Variants in UTRN observed in about 807,000 individuals in gnomAD.
The protein encoded by UTRN is dystrophin-related protein 1.
UTRN carries 283 observed loss-of-function variants against 463.9 expected under a neutral mutation model. The ratio of observed to expected loss-of-function variants is 0.61; its 90% CI spans 0.55 to 0.67. The LOEUF is 0.67. UTRN is among the 30% of genes least tolerant of loss of function. UTRN has a pLI of 0.00. For synonymous variants in UTRN, 1,442 were observed against 1,431.5 expected (o/e 1.01, Z -0.17); for missense variants, 3,922 against 4,084.3 (o/e 0.96, Z 1.08).
At chr6:144,546,365 C>A (rs1585209301) in intron 46 of UTRN, among the ~76,000 whole-genome samples, 1 of 152,222 alleles carries the variant, frequency 6.6e-6, no homozygotes, top group African/African-American at 2.4e-5. Flanking sequence ...TATTGAGGAC[C>A]CTCAAATAGC....
At chr6:144,819,914 C>CCTCCTCCTG (rs1285997269) in intron 65 of UTRN, among the ~76,000 whole-genome samples, 2 of 112,680 alleles carry the variant, frequency 1.8e-5, no homozygotes, top group East Asian at 5.8e-4. Context: ...TCCTCCTCCT[C>CCTCCTCCTG]TCTCTCTCTC....
In UTRN at chr6:144,286,858, G is replaced by A. The variant is rs1166936228; in HGVS notation, c.-93+1037G>A. 6.6e-6 allele frequency among the ~76,000 whole-genome samples: 1 copy of A among 152,094 alleles called. No individual in the cohort carries two copies. The highest frequency in any genetic ancestry group is 1.5e-5 in the Non-Finnish European group (1 of 68,018). On this transcript the variant is annotated intron_variant, in intron 1 of 74. Transcript: ENST00000367545. The surrounding 1 kb of genome is among the most constrained non-coding windows in gnomAD (Gnocchi z 4.4). ...ACTCCACGGCCCCGCTCTCTGAGGT[G>A]TTCAGGACAGGGCCTCCTCTTTCCC...
intron 51 of UTRN, among the ~76,000 whole-genome samples, chr6:144,601,763 G>A (rs1170270397): frequency 1.3e-5 from 2 of 152,192 alleles, no homozygotes; most frequent in Non-Finnish European, 2.9e-5. Context: ...AAATGCTACC[G>A]AGACATCTTT....
intron 48 of UTRN, among the ~76,000 whole-genome samples, chr6:144,553,927 A>AG: frequency 6.6e-6 from 1 of 152,038 alleles, no homozygotes; most frequent in Non-Finnish European, 1.5e-5. Context: ...AAAAAAAAAA[A>AG]AAAAAAAGTT....
chr6:144,580,741 G>A (rs1801896411), intron 51 of UTRN, among the ~76,000 whole-genome samples: 1 of 152,146 alleles, frequency 6.6e-6, no homozygotes, highest in Admixed American at 6.5e-5. Context: ...TTAATCCAGT[G>A]GCAATGAAGA....
At chr6:144,581,614 G>A (rs1562603296) in intron 51 of UTRN, among the ~76,000 whole-genome samples, 1 of 152,196 alleles carries the variant, frequency 6.6e-6, no homozygotes, top group Non-Finnish European at 1.5e-5. Flanking sequence ...AGGGGTGAAT[G>A]CCTATCTCAT....
At chr6:144,388,500 AT>A (rs1781614347) in intron 2 of UTRN, among the ~76,000 whole-genome samples, 1 of 150,518 alleles carries the variant, frequency 6.6e-6, no homozygotes, top group Non-Finnish European at 1.5e-5. Flanking sequence ...TTATTTATTT[AT>A]TTATTTATTT....
At chr6:144,436,582 A>G (rs1215908868) in intron 10 of UTRN, among the ~76,000 whole-genome samples, 1 of 151,894 alleles carries the variant, frequency 6.6e-6, no homozygotes, top group Non-Finnish European at 1.5e-5. Flanking sequence ...CTTTGAGGAC[A>G]TACTATATTG....
chr6:144,348,379 G>A (rs1357283921), intron 2 of UTRN, among the ~76,000 whole-genome samples: 4 of 152,150 alleles, frequency 2.6e-5, no homozygotes, highest in Non-Finnish European at 5.9e-5. Context: ...AGGAAGGAAC[G>A]TTGTCATCTT....
intron 52 of UTRN, among the ~76,000 whole-genome samples, chr6:144,693,344 CT>C (rs1783633082): frequency 6.6e-6 from 1 of 152,074 alleles, no homozygotes; most frequent in Non-Finnish European, 1.5e-5. Context: ...CAGCTTTATT[CT>C]TTTTGCTTAG....
intron 2 of UTRN, among the ~76,000 whole-genome samples, chr6:144,368,378 C>A (rs1052146502): frequency 6.6e-6 from 1 of 152,060 alleles, no homozygotes. Flanking sequence ...AAGCAATGGA[C>A]CAAATAATTT....
Position 144,482,191 on chromosome 6 carries a change from C to A in UTRN, c.3508-18C>A. On this transcript the variant is annotated intron_variant, in intron 26 of 74. Coordinates refer to ENST00000367545, the MANE Select transcript of UTRN (RefSeq NM_007124.3). Reference sequence around the variant, plus strand: ...AAGGGAGACGTTTTTCAAGTTCATCCATCCTTTCTTGGAACAGAGGGCAAA... The same window carrying A: ...AAGGGAGACGTTTTTCAAGTTCATCAATCCTTTCTTGGAACAGAGGGCAAA... 1 of 1,421,264 alleles carries A rather than the reference C, an allele frequency of 7.0e-7. No homozygotes were observed. The highest frequency in any genetic ancestry group is 2.6e-5 in the Admixed American group (1 of 38,626). 88.0% of individuals were successfully genotyped at this position (1,421,264 alleles called of 1,614,324 possible).
chr6:144,286,656 C>T lies in UTRN; in HGVS notation c.-93+835C>T, dbSNP rs1234132921. On this transcript the variant is annotated intron_variant, in intron 1 of 74. Coordinates refer to ENST00000367545, the MANE Select transcript of UTRN (RefSeq NM_007124.3). This position sits in a 1 kb window ranked among gnomAD's most constrained non-coding sequence, Gnocchi z 4.4. ...AAACCAACAAAGCACCAATTGAAGGCTGTGCAACTTTCAGATGGCAGGTTG... is the reference window on the plus strand; with the variant it reads ...AAACCAACAAAGCACCAATTGAAGGTTGTGCAACTTTCAGATGGCAGGTTG... 6.6e-6 allele frequency among the ~76,000 whole-genome samples: 1 copy of T among 150,752 alleles called. No individual in the cohort carries two copies. Among genetic ancestry groups the T allele is most frequent in the Admixed American group, 6.6e-5 (1 of 15,140 alleles).
chr6:144,470,377 C>T (rs1001635412), intron 23 of UTRN, among the ~76,000 whole-genome samples: 3 of 151,398 alleles, frequency 2.0e-5, no homozygotes, highest in Non-Finnish European at 4.4e-5. Flanking sequence ...GGGCTCCTCA[C>T]TTACCAGATG....
At chr6:144,400,346 T>G (rs1782828901) in intron 2 of UTRN, among the ~76,000 whole-genome samples, 1 of 152,300 alleles carries the variant, frequency 6.6e-6, no homozygotes, top group Admixed American at 6.5e-5. Context: ...TTGAAATAAT[T>G]TCAGACTGTG....
At chr6:144,363,924 T>C (rs1779286373) in intron 2 of UTRN, among the ~76,000 whole-genome samples, 1 of 152,188 alleles carries the variant, frequency 6.6e-6, no homozygotes, top group Non-Finnish European at 1.5e-5. Flanking sequence ...TGTATCTGAA[T>C]TTAAAGGCAG....
At chr6:144,758,059 T>TC (rs1281784424) in intron 58 of UTRN, 70 bp downstream of exon 58, 4 of 1,374,244 alleles carry the variant, frequency 2.9e-6, no homozygotes, top group East Asian at 2.3e-5. Context: ...AAGAGGCTTC[T>TC]CTCCCCATAA....
intron 3 of UTRN, among the ~76,000 whole-genome samples, chr6:144,411,206 T>A (rs1006207724): frequency 1.1e-4 from 16 of 152,236 alleles, no homozygotes; most frequent in African/African-American, 3.4e-4. Flanking sequence ...TTTCACTGCA[T>A]CCTCGCCAAC....
rs1279653127 is a variant in UTRN, at chr6:144,474,682, C to A, written c.3259C>A (p.Pro1087Thr). 4 of 1,613,960 alleles carry A rather than the reference C, an allele frequency of 2.5e-6. No individual in the cohort carries two copies. The Admixed American group carries it at 5.0e-5, about 20-fold the overall frequency. ...KEIETNLRSG[P>T]VAGIKTWVQT... ...AATAGAGACTAATCTTCGAAGTGGTCCAGTTGCTGGAATAAAAACTTGGGT... is the reference window on the plus strand; with the variant it reads ...AATAGAGACTAATCTTCGAAGTGGTACAGTTGCTGGAATAAAAACTTGGGT... The change falls in exon 25 of 75, where the codon CCA (proline) becomes ACA (threonine). Residue 1087 changes from proline to threonine, a missense_variant. Physicochemically the swap from Pro to Thr is conservative, Grantham distance 38 (BLOSUM62 -1). Transcript: ENST00000367545.
Sources: allele counts gnomAD v4.1 joint callset (sites outside exome capture counted in the v4.1 genomes callset), GRCh38; gene constraint gnomAD v4.1.1; non-coding constraint Gnocchi (gnomAD v3.1); transcripts MANE v1.5; gene names NCBI Gene and HGNC (gene_info 2026-07-23, HGNC 2026-07-21).